The following TEK variants were observed in gnomAD, a reference collection of about 807,000 sequenced individuals.
The protein encoded by TEK is TEK receptor tyrosine kinase.
TEK carries 43 observed loss-of-function variants against 131.8 expected under a neutral mutation model. The observed-to-expected ratio is 0.33, with a 90% confidence interval of 0.26 to 0.42. The LOEUF (loss-of-function observed/expected upper bound fraction) is 0.42. Ranked by LOEUF, TEK falls within the 10% of genes least tolerant of loss-of-function variation. The pLI, the probability that TEK is intolerant of heterozygous loss-of-function variation, is 1.00. For missense variants in TEK, 1,162 were observed against 1,384.4 expected, an observed-to-expected ratio of 0.84 and a Z score of 2.55; for synonymous variants, 580 against 491.6, an observed-to-expected ratio of 1.18 and a Z score of -2.38.
intron 1 of TEK, among the ~76,000 whole-genome samples, chr9:27,111,217 G>A (rs1821330869): frequency 8.1e-6 from 1 of 122,952 alleles, no homozygotes; most frequent in Non-Finnish European, 1.7e-5. Context: ...GCCTTTAAAA[G>A]GCAGAGGACC....
intron 1 of TEK, among the ~76,000 whole-genome samples, chr9:27,154,157 C>G (rs1823237243): frequency 6.6e-6 from 1 of 152,016 alleles, no homozygotes; most frequent in Admixed American, 6.6e-5. Context: ...TTCTGTCTCT[C>G]TTTTATTTAT....
rs192704688 is a variant in TEK at position 27,114,634 on chromosome 9, C to G, written c.52+4992C>G. Among the ~76,000 whole-genome samples, 766 of 152,152 alleles carry G rather than the reference C, an allele frequency of 5.0e-3. 4 individuals are homozygous for G. The highest frequency in any genetic ancestry group is 6.1e-3 in the Non-Finnish European group (416 of 67,996). ...AAAGTAGTGGTAAAAACTGCAGTTA[C>G]TTTTGCACCAATCTGATAATCAATT... On this transcript the variant is annotated intron_variant, in intron 1 of 22. Transcript: ENST00000380036.
At chr9:27,184,591 G>T (rs1214119406) in intron 8 of TEK, among the ~76,000 whole-genome samples, 1 of 152,096 alleles carries the variant, frequency 6.6e-6, no homozygotes, top group Non-Finnish European at 1.5e-5. Context: ...AATCTTATTG[G>T]CTTTTTCATG....
chr9:27,153,826 G>C (rs1307341641), intron 1 of TEK, among the ~76,000 whole-genome samples: 1 of 152,326 alleles, frequency 6.6e-6, no homozygotes, highest in East Asian at 1.9e-4. Context: ...TGCCTTTCAT[G>C]GTGTCAGCAG....
chr9:27,215,077 G>A (rs1825768899), intron 18 of TEK, among the ~76,000 whole-genome samples: 2 of 152,122 alleles, frequency 1.3e-5, no homozygotes, highest in Admixed American at 6.5e-5. Context: ...CCCTGGGTGA[G>A]AAGGTGGAGG....
intron 21 of TEK, among the ~76,000 whole-genome samples, chr9:27,226,282 G>C (rs985925331): frequency 6.6e-6 from 1 of 152,198 alleles, no homozygotes; most frequent in Non-Finnish European, 1.5e-5. Context: ...ACATGCACAC[G>C]TATGTTTATT....
chr9:27,192,085 T>A (rs895091321), intron 10 of TEK: 1 of 390,652 alleles, frequency 2.6e-6, no homozygotes, highest in African/African-American at 2.1e-5. Context: ...TGAGCAAACC[T>A]CCTAAGCATC....
intron 1 of TEK, among the ~76,000 whole-genome samples, chr9:27,139,431 G>T (rs1822637556): frequency 6.9e-6 from 1 of 145,292 alleles, no homozygotes; most frequent in African/African-American, 2.6e-5. Context: ...GGGTTCAAGC[G>T]ATCCTGCCTC....
intron 8 of TEK, among the ~76,000 whole-genome samples, chr9:27,184,792 C>G (rs1824535860): frequency 6.6e-6 from 1 of 152,060 alleles, no homozygotes; most frequent in African/African-American, 2.4e-5. Flanking sequence ...AATCCCAGTG[C>G]TTTGGAAGCC....
At chr9:27,128,904 A>G (rs1379711221) in intron 1 of TEK, among the ~76,000 whole-genome samples, 1 of 152,182 alleles carries the variant, frequency 6.6e-6, no homozygotes, top group Non-Finnish European at 1.5e-5. Context: ...TTCTAAATAT[A>G]CAGTCATTTC....
chr9:27,131,312 C>A (rs1822207547), intron 1 of TEK, among the ~76,000 whole-genome samples: 1 of 151,402 alleles, frequency 6.6e-6, no homozygotes, highest in Non-Finnish European at 1.5e-5. Context: ...CATGGTAAAA[C>A]CCCGTCTCTA....
At chr9:27,163,410 T>A (rs1823615667) in intron 2 of TEK, among the ~76,000 whole-genome samples, 1 of 152,156 alleles carries the variant, frequency 6.6e-6, no homozygotes. Flanking sequence ...TAACCTGTGT[T>A]CCAGGTGTTG....
Position 27,228,315 on chromosome 9 carries a change from A to G in TEK, c.3300+10A>G, listed in dbSNP as rs368477494. The G allele has an allele frequency of 1.1e-4, 175 of 1,602,910 alleles. No homozygotes were observed. The highest frequency in any genetic ancestry group is 1.5e-4 in the Admixed American group (9 of 59,890). ...GTTAGAGGAGCGAAAGGTAAGTATTAAAGTCAGGCAGGAGATCTTTAATTG... is the reference window on the plus strand; with the variant it reads ...GTTAGAGGAGCGAAAGGTAAGTATTGAAGTCAGGCAGGAGATCTTTAATTG... On this transcript the variant is annotated intron_variant, in intron 22 of 22. Transcript: ENST00000380036.
intron 10 of TEK, among the ~76,000 whole-genome samples, chr9:27,192,120 A>G (rs947978602): frequency 6.6e-6 from 1 of 152,206 alleles, no homozygotes; most frequent in Non-Finnish European, 1.5e-5. Flanking sequence ...GCTTGATTGC[A>G]ATCAGTGTAC....
At chr9:27,169,893 G>A (rs758411191) in intron 4 of TEK, among the ~76,000 whole-genome samples, 1 of 152,118 alleles carries the variant, frequency 6.6e-6, no homozygotes, top group Non-Finnish European at 1.5e-5. Flanking sequence ...GGAAAACTCA[G>A]GGCAAATCAT....
chr9:27,115,289 A>C (rs1049092612), intron 1 of TEK, among the ~76,000 whole-genome samples: 1 of 152,172 alleles, frequency 6.6e-6, no homozygotes, highest in African/African-American at 2.4e-5. Context: ...GCTTGAGCCC[A>C]GGAGTTTCAG....
chr9:27,142,203 G>A (rs1822750038), intron 1 of TEK, among the ~76,000 whole-genome samples: 1 of 152,252 alleles, frequency 6.6e-6, no homozygotes, highest in Non-Finnish European at 1.5e-5. Flanking sequence ...GATATTAGCA[G>A]TGAAAGAGTT....
At chr9:27,168,672 A>G in intron 3 of TEK, 67 bp downstream of exon 3, 1 of 1,185,340 alleles carries the variant, frequency 8.4e-7, no homozygotes. Flanking sequence ...AACATATTGA[A>G]TCATTTTCCT....
At chr9:27,215,776 G>A (rs556769939) in intron 18 of TEK, among the ~76,000 whole-genome samples, 39 of 151,666 alleles carry the variant, frequency 2.6e-4, no homozygotes, top group African/African-American at 8.7e-4. Context: ...GTAGACATAT[G>A]ACTCAGGATT....
Sources: allele counts gnomAD v4.1 joint callset (sites outside exome capture counted in the v4.1 genomes callset), GRCh38; gene constraint gnomAD v4.1.1; transcripts MANE v1.5; gene names NCBI Gene and HGNC (gene_info 2026-07-23, HGNC 2026-07-21).